TDRP: variants seen among roughly 807,000 people sequenced by gnomAD.
The protein encoded by TDRP is testis development-related protein.
A neutral mutation model predicts 10.5 loss-of-function variants in TDRP; 12 were observed. The observed-to-expected ratio is 1.15, with a 90% CI of 0.73 to 1.86. TDRP has a LOEUF of 1.86. TDRP is among the 40% of genes most tolerant of loss of function. The pLI, the probability that TDRP is intolerant of heterozygous loss-of-function variation, is 0.00. For synonymous variants in TDRP, 139 were observed against 95.4 expected, an observed-to-expected ratio of 1.46 and a Z score of -2.67; for missense variants, 353 against 229.2, an observed-to-expected ratio of 1.54 and a Z score of -3.49.
chr8:510,949 C>G (rs184694405), intron 1 of TDRP, among the ~76,000 whole-genome samples: 64 of 152,188 alleles, frequency 4.2e-4, no homozygotes, highest in African/African-American at 1.4e-3. Context: ...AATAACACCA[C>G]AAAAGATGAG....
At chr8:527,954 T>C (rs1360242949) in intron 1 of TDRP, among the ~76,000 whole-genome samples, 1 of 151,700 alleles carries the variant, frequency 6.6e-6, no homozygotes, top group East Asian at 1.9e-4. Context: ...AAGGGACCAA[T>C]CAACAAATGG....
chr8:539,456 G>A (rs1802434022), intron 1 of TDRP, among the ~76,000 whole-genome samples: 1 of 152,162 alleles, frequency 6.6e-6, no homozygotes, highest in Admixed American at 6.5e-5. Context: ...ACAGTGGCCT[G>A]AATGAACTAG....
Position 492,086 on chromosome 8 carries a change from T to A in TDRP, c.*313A>T. 1.7e-6 allele frequency: 2 copies of A among 1,171,218 alleles called. No individual in the cohort carries two copies. The highest frequency in any genetic ancestry group is 2.1e-6 in the Non-Finnish European group (2 of 950,128). 72.6% of individuals were successfully genotyped at this position (1,171,218 alleles called of 1,614,324 possible). A position where few individuals can be genotyped will look rare whatever the true frequency, so the allele number is the denominator to read the frequency against. ...ACACAGAGCAGCATGAAAATCATTT[T>A]GTGAGAAACTGCAAATCATTACTGC... On this transcript the variant is annotated 3_prime_UTR_variant, in exon 3 of 3. Coordinates refer to ENST00000324079, the MANE Select transcript of TDRP (RefSeq NM_001384899.1).
At chr8:521,031 C>G (rs1226642043) in intron 1 of TDRP, among the ~76,000 whole-genome samples, 1 of 151,918 alleles carries the variant, frequency 6.6e-6, no homozygotes, top group Admixed American at 6.6e-5. Flanking sequence ...ACCTTTTCTC[C>G]CGTTTTCTTC....
intron 2 of TDRP, 92 bp downstream of exon 2, chr8:494,402 C>T: frequency 1.6e-6 from 2 of 1,285,360 alleles, no homozygotes; most frequent in South Asian, 1.3e-5. Context: ...TCCAGTTACA[C>T]TGCATTTATG....
intron 1 of TDRP, among the ~76,000 whole-genome samples, chr8:540,843 G>A (rs922105128): frequency 7.0e-6 from 1 of 142,678 alleles, no homozygotes; most frequent in Non-Finnish European, 1.5e-5. Flanking sequence ...GTAACCTGAT[G>A]TTCAAGAAAG....
intron 1 of TDRP, among the ~76,000 whole-genome samples, chr8:521,754 T>C (rs1801912615): frequency 6.6e-6 from 1 of 151,926 alleles, no homozygotes; most frequent in African/African-American, 2.4e-5. Context: ...AACTTTAGAA[T>C]TTCTTTTCTA....
chr8:545,725 G>A (rs1379401716), upstream of TDRP: 1 of 151,908 alleles, frequency 6.6e-6, no homozygotes, highest in African/African-American at 2.4e-5. Context: ...GCCTCGCCCA[G>A]CCCTGGTGGG....
intron 1 of TDRP, among the ~76,000 whole-genome samples, chr8:495,501 C>G (rs112693580): frequency 8.5e-5 from 13 of 152,206 alleles, no homozygotes; most frequent in African/African-American, 3.1e-4. Flanking sequence ...ATAATTAATA[C>G]CATCTTGGAT....
intron 1 of TDRP, among the ~76,000 whole-genome samples, chr8:530,917 G>A (rs1048469981): frequency 3.3e-5 from 5 of 152,110 alleles, no homozygotes; most frequent in Admixed American, 1.3e-4. Flanking sequence ...ACCTCCATCC[G>A]CAGCACTGCT....
chr8:542,872 A>AT (rs1345846559), intron 1 of TDRP, among the ~76,000 whole-genome samples: 2 of 151,784 alleles, frequency 1.3e-5, no homozygotes, highest in African/African-American at 4.8e-5. Flanking sequence ...AAAAAAAAAA[A>AT]AAAGTATAGA....
At chr8:514,528 G>A (rs978283392) in intron 1 of TDRP, among the ~76,000 whole-genome samples, 1 of 152,092 alleles carries the variant, frequency 6.6e-6, no homozygotes, top group African/African-American at 2.4e-5. Flanking sequence ...CTCAATGCAG[G>A]GACCAGGACA....
intron 1 of TDRP, among the ~76,000 whole-genome samples, chr8:520,620 T>C (rs1302048717): frequency 6.6e-6 from 1 of 152,234 alleles, no homozygotes; most frequent in Non-Finnish European, 1.5e-5. Context: ...ATTTTGCTTT[T>C]TTGATTGTAG....
At chr8:533,031 A>C (rs1019640610) in intron 1 of TDRP, among the ~76,000 whole-genome samples, 2 of 152,116 alleles carry the variant, frequency 1.3e-5, no homozygotes, top group Non-Finnish European at 2.9e-5. Flanking sequence ...ATTTGCCCCA[A>C]AGTCCCAAAA....
intron 1 of TDRP, among the ~76,000 whole-genome samples, chr8:525,063 C>T (rs768411061): frequency 3.9e-5 from 6 of 152,088 alleles, no homozygotes; most frequent in Non-Finnish European, 1.5e-5. Flanking sequence ...ATTCTAAAGT[C>T]GGCAAGAGAA....
At chr8:499,366 C>A (rs1011368559) in intron 1 of TDRP, among the ~76,000 whole-genome samples, 1 of 152,168 alleles carries the variant, frequency 6.6e-6, no homozygotes, top group Non-Finnish European at 1.5e-5. Flanking sequence ...TTGAACACCA[C>A]GCTGGGCTGG....
In TDRP at chr8:538,499, C is replaced by T. The variant is rs1464254600; in HGVS notation, c.108+6151G>A. ...AGGGGCTAAGCACCGCCTCAATAAA[C>T]ACTAGTGATAGCTCTATTTATCCCA... On this transcript the variant is annotated intron_variant, in intron 1 of 2. Coordinates refer to ENST00000324079, the MANE Select transcript of TDRP (RefSeq NM_001384899.1). Among the ~76,000 whole-genome samples the T allele has an allele frequency of 2.0e-5, 3 of 152,324 alleles. No individual in the cohort carries two copies. In the East Asian group the frequency reaches 5.8e-4, roughly 29 times the overall value.
At chr8:522,250 A>G (rs754540380) in intron 1 of TDRP, among the ~76,000 whole-genome samples, 5 of 152,226 alleles carry the variant, frequency 3.3e-5, no homozygotes, top group East Asian at 3.8e-4. Context: ...TATAACCGTT[A>G]TATCTTCCTG....
chr8:533,123 C>T (rs865973379), intron 1 of TDRP, among the ~76,000 whole-genome samples: 1 of 152,218 alleles, frequency 6.6e-6, no homozygotes, highest in African/African-American at 2.4e-5. Flanking sequence ...TCCCCTTGTT[C>T]TTCCTGGTCT....
Sources: gnomAD v4.1 joint callset for allele counts (sites outside exome capture counted in the v4.1 genomes callset) on GRCh38, gnomAD v4.1.1 for gene constraint, MANE v1.5 for transcripts, NCBI Gene and HGNC (gene_info 2026-07-23, HGNC 2026-07-21) for gene names.